Variants in KCNK10 observed in about 807,000 individuals in gnomAD.
The protein encoded by KCNK10 is potassium two pore domain channel subfamily K member 10.
In KCNK10, 25 loss-of-function variants were observed where a neutral mutation model predicts 47.7. The ratio of observed to expected loss-of-function variants is 0.52; its 90% CI spans 0.38 to 0.73. The LOEUF is 0.73. KCNK10 is among the 30% of genes least tolerant of loss of function. KCNK10 has a pLI of 0.00. For missense variants in KCNK10, 563 were observed against 714.5 expected (o/e 0.79, Z 2.42); for synonymous variants, 303 against 285.6 (o/e 1.06, Z -0.61).
chr14:88,214,884 G>C (rs1430919097), intron 4 of KCNK10, among the ~76,000 whole-genome samples: 1 of 152,098 alleles, frequency 6.6e-6, no homozygotes, highest in African/African-American at 2.4e-5. Flanking sequence ...TTTTGTGAAG[G>C]CTCCTCTGAG....
At chr14:88,321,310 C>T (rs1251214441) in intron 1 of KCNK10, among the ~76,000 whole-genome samples, 1 of 152,192 alleles carries the variant, frequency 6.6e-6, no homozygotes, top group Non-Finnish European at 1.5e-5. Flanking sequence ...CTTCTCTGGT[C>T]CTTGTCAATC....
At position 88,267,349 on chromosome 14, in the gene KCNK10, G is replaced by A. The variant is rs1293748910; in HGVS notation, c.53-3798C>T. ...AAAGGATCTGGATTGTGCTTAAGAT[G>A]GATAAATTCTTTTCTTTTTCTTTTT... On this transcript the variant is annotated intron_variant, in intron 1 of 6. Coordinates refer to ENST00000319231, the MANE Select transcript of KCNK10 (RefSeq NM_138317.3). Among the ~76,000 whole-genome samples, 6 of 151,890 alleles carry A rather than the reference G, an allele frequency of 4.0e-5. No individual in the cohort carries two copies. In the East Asian group the frequency reaches 9.7e-4, roughly 24 times the overall value.
intron 1 of KCNK10, among the ~76,000 whole-genome samples, chr14:88,288,888 C>T (rs1887822753): frequency 6.6e-6 from 1 of 152,164 alleles, no homozygotes; most frequent in Non-Finnish European, 1.5e-5. Flanking sequence ...TCCTCACCAC[C>T]CCACTGCAGA....
intron 4 of KCNK10, among the ~76,000 whole-genome samples, chr14:88,226,486 G>T (rs1940544): frequency 0.29 from 44,272 of 152,022 alleles, 7,096 homozygotes; most frequent in East Asian, 0.47. Context: ...AATGTCATTT[G>T]TAAATATTAA....
chr14:88,269,459 A>T (rs1887350285), intron 1 of KCNK10, among the ~76,000 whole-genome samples: 1 of 152,192 alleles, frequency 6.6e-6, no homozygotes, highest in South Asian at 2.1e-4. Flanking sequence ...TTTGGTTGAG[A>T]CAGGATCTTG....
intron 1 of KCNK10, among the ~76,000 whole-genome samples, chr14:88,278,636 T>C (rs1887580415): frequency 1.3e-5 from 2 of 152,204 alleles, no homozygotes; most frequent in Admixed American, 6.5e-5. Context: ...TAGTTCAATC[T>C]AACCTTTGAG....
rs118010218 is a variant in KCNK10 at position 88,257,097 on chromosome 14, T to C, written c.402+6105A>G. Among the ~76,000 whole-genome samples, 448 of 152,280 alleles carry C rather than the reference T, an allele frequency of 2.9e-3. 2 individuals are homozygous for C. Among genetic ancestry groups the C allele is most frequent in the Non-Finnish European group, 3.7e-3 (253 of 68,024 alleles). Reference sequence around the variant, plus strand: ...TCAGGTTTGAGTAATTTTCAAGTTTTCTCTGTCAACTTTCTTAAATATAGC... The same window carrying C: ...TCAGGTTTGAGTAATTTTCAAGTTTCCTCTGTCAACTTTCTTAAATATAGC... On this transcript the variant is annotated intron_variant, in intron 2 of 6. Coordinates refer to ENST00000319231, the MANE Select transcript of KCNK10 (RefSeq NM_138317.3).
intron 2 of KCNK10, among the ~76,000 whole-genome samples, chr14:88,253,129 G>A (rs569561478): frequency 2.4e-4 from 36 of 152,264 alleles, no homozygotes; most frequent in African/African-American, 8.4e-4. Context: ...AATGGAGAGA[G>A]GCAAATGAAG....
intron 1 of KCNK10, chr14:88,270,649 G>A (rs962477866): frequency 3.9e-6 from 3 of 774,412 alleles, no homozygotes; most frequent in African/African-American, 3.4e-5. Context: ...AAGGCAGACT[G>A]GGGGGAAGAG....
At chr14:88,258,593 C>G (rs1887025592) in intron 2 of KCNK10, among the ~76,000 whole-genome samples, 1 of 152,188 alleles carries the variant, frequency 6.6e-6, no homozygotes, top group South Asian at 2.1e-4. Flanking sequence ...CCGGCCGCGT[C>G]TTCTTCTTTC....
chr14:88,201,615 A>G (rs1885105135), intron 4 of KCNK10, among the ~76,000 whole-genome samples: 1 of 152,064 alleles, frequency 6.6e-6, no homozygotes, highest in South Asian at 2.1e-4. Flanking sequence ...AGCCGAGATC[A>G]TGTAACTGCA....
intron 3 of KCNK10, 39 bp downstream of exon 3, chr14:88,240,664 G>T: frequency 7.6e-7 from 1 of 1,315,204 alleles, no homozygotes; most frequent in South Asian, 1.2e-5. Context: ...TACTCAAGAT[G>T]ACCTGCAGAG....
Position 88,208,839 on chromosome 14 carries a change from G to C in KCNK10, c.682-16429C>G, listed in dbSNP as rs190955203. On this transcript the variant is annotated intron_variant, in intron 4 of 6. Coordinates refer to ENST00000319231, the MANE Select transcript of KCNK10 (RefSeq NM_138317.3). Reference sequence around the variant, plus strand: ...GGGACAGTCCTGACAACTGAGACGAGATGCCCGATACACCCATTTGTGACT... The same window carrying C: ...GGGACAGTCCTGACAACTGAGACGACATGCCCGATACACCCATTTGTGACT... Among the ~76,000 whole-genome samples, 527 of 152,294 alleles carry C rather than the reference G, an allele frequency of 3.5e-3. 12 individuals carry two copies. Among genetic ancestry groups the C allele is most frequent in the Non-Finnish European group, 1.1e-3 (73 of 68,030 alleles).
At chr14:88,323,572 C>CGGCGGGAGGCGGTGGGCGGT (rs1888599520), upstream of KCNK10, 1 of 150,668 alleles carries the variant, frequency 6.6e-6, no homozygotes, top group Non-Finnish European at 1.5e-5. Flanking sequence ...GCCCGCGGGG[C>CGGCGGGAGGCGGTGGGCGGT]GGCGGGAGGC....
chr14:88,204,747 C>T (rs970559156), intron 4 of KCNK10, among the ~76,000 whole-genome samples: 1 of 152,044 alleles, frequency 6.6e-6, no homozygotes, highest in African/African-American at 2.4e-5. Context: ...TTTTTAGAAC[C>T]ATTTTTGCTT....
Position 88,299,090 on chromosome 14 carries a change from A to G in KCNK10, c.52+23657T>C, listed in dbSNP as rs545717645. 1.3e-3 allele frequency among the ~76,000 whole-genome samples: 194 copies of G among 152,332 alleles called. 1 individual carries two copies. Among genetic ancestry groups the G allele is most frequent in the African/African-American group, 4.5e-3 (188 of 41,572 alleles). Reference sequence around the variant, plus strand: ...GTAAGTACCGAATACATGTCATTGCATCTCTCTTACAGTCCTTATTCCACT... The same window carrying G: ...GTAAGTACCGAATACATGTCATTGCGTCTCTCTTACAGTCCTTATTCCACT... On this transcript the variant is annotated intron_variant, in intron 1 of 6. Transcript: ENST00000319231.
chr14:88,201,778 A>G (rs960154470), intron 4 of KCNK10, among the ~76,000 whole-genome samples: 2 of 152,250 alleles, frequency 1.3e-5, no homozygotes, highest in Admixed American at 1.3e-4. Context: ...ATTAAGTTAT[A>G]TGCAAACTCT....
Position 88,185,415 on chromosome 14 carries a change from C to A in KCNK10, c.*120G>T, listed in dbSNP as rs1318803929. The A allele has an allele frequency of 7.4e-7, 1 of 1,355,974 alleles. No individual in the cohort carries two copies. The highest frequency in any genetic ancestry group is 2.3e-5 in the East Asian group (1 of 42,680). 84.0% of individuals were successfully genotyped at this position (1,355,974 alleles called of 1,614,324 possible). A position where few individuals can be genotyped will look rare whatever the true frequency, so the allele number is the denominator to read the frequency against. On this transcript the variant is annotated 3_prime_UTR_variant, in exon 7 of 7. Transcript: ENST00000319231. This position sits in a 1 kb window ranked among gnomAD's most constrained non-coding sequence, Gnocchi z 4.3. ...TGTTTATGGCACAGTGAAATATATT[C>A]TTCAATGCTATGTAATTTTGGACTA...
intron 1 of KCNK10, among the ~76,000 whole-genome samples, chr14:88,316,329 A>T (rs1282296902): frequency 5.3e-5 from 8 of 152,178 alleles, no homozygotes; most frequent in African/African-American, 1.7e-4. Context: ...GAGAAAAAAA[A>T]AACTCTTAAA....
Sources: gnomAD v4.1 joint callset for allele counts (sites outside exome capture counted in the v4.1 genomes callset) on GRCh38, gnomAD v4.1.1 for gene constraint, Gnocchi (gnomAD v3.1) non-coding constraint, MANE v1.5 for transcripts, NCBI Gene and HGNC (gene_info 2026-07-23, HGNC 2026-07-21) for gene names.